The following IMMP2L variants were observed in gnomAD, a reference collection of about 807,000 sequenced individuals.
The protein encoded by IMMP2L is mitochondrial inner membrane protease subunit 2.
A neutral mutation model predicts 19.3 loss-of-function variants in IMMP2L; 18 were observed. That is an observed-to-expected ratio of 0.93 (90% CI 0.64 to 1.38). The LOEUF is 1.38. Ranked by LOEUF, IMMP2L falls within the 40% of genes most tolerant of loss-of-function variation. IMMP2L has a pLI of 0.00. For missense variants in IMMP2L, 233 were observed against 218.2 expected, an observed-to-expected ratio of 1.07 and a Z score of -0.43; for synonymous variants, 76 against 73.0, an observed-to-expected ratio of 1.04 and a Z score of -0.21.
intron 3 of IMMP2L, among the ~76,000 whole-genome samples, chr7:110,998,577 T>C (rs111803571): frequency 6.6e-4 from 100 of 152,288 alleles, no homozygotes; most frequent in Admixed American, 4.1e-3. Flanking sequence ...CTTTTGAATT[T>C]TGTATGGTTA....
intron 3 of IMMP2L, among the ~76,000 whole-genome samples, chr7:111,448,918 A>T (rs1482388617): frequency 1.4e-5 from 2 of 143,640 alleles, no homozygotes; most frequent in African/African-American, 5.3e-5. Context: ...CCATCAGAGA[A>T]TACTACAGAC....
chr7:111,294,253 T>C (rs1821400513), intron 3 of IMMP2L, among the ~76,000 whole-genome samples: 1 of 151,860 alleles, frequency 6.6e-6, no homozygotes, highest in Admixed American at 6.6e-5. Context: ...GAGAGATGTA[T>C]TATAAGGCAT....
At chr7:110,674,694 C>G (rs1792169288) in intron 5 of IMMP2L, among the ~76,000 whole-genome samples, 2 of 152,146 alleles carry the variant, frequency 1.3e-5, no homozygotes, top group Admixed American at 6.5e-5. Context: ...AAAATAAGTA[C>G]TGATTTCTCA....
At chr7:111,101,837 C>G (rs1385661871) in intron 3 of IMMP2L, among the ~76,000 whole-genome samples, 1 of 151,152 alleles carries the variant, frequency 6.6e-6, no homozygotes, top group Non-Finnish European at 1.5e-5. Context: ...TCTACTGCCC[C>G]CAATCTAAAA....
At chr7:111,065,131 T>C (rs1242050454) in intron 3 of IMMP2L, among the ~76,000 whole-genome samples, 5 of 152,240 alleles carry the variant, frequency 3.3e-5, no homozygotes, top group African/African-American at 1.2e-4. Flanking sequence ...GTAATTATCA[T>C]GAGTATTTCC....
intron 3 of IMMP2L, among the ~76,000 whole-genome samples, chr7:111,192,678 C>A (rs1000854478): frequency 2.0e-5 from 3 of 151,936 alleles, no homozygotes; most frequent in Admixed American, 2.0e-4. Flanking sequence ...CAGGAGAAAC[C>A]CAAACAAGAG....
At chr7:110,894,757 T>C (rs1006176689) in intron 4 of IMMP2L, among the ~76,000 whole-genome samples, 2 of 152,224 alleles carry the variant, frequency 1.3e-5, no homozygotes, top group African/African-American at 4.8e-5. Flanking sequence ...ATGTTTTTCA[T>C]AAGAAATTAT....
chr7:111,443,962 T>C (rs752909275), intron 3 of IMMP2L, among the ~76,000 whole-genome samples: 1 of 152,144 alleles, frequency 6.6e-6, no homozygotes, highest in Non-Finnish European at 1.5e-5. Context: ...ACAGGGTATA[T>C]AATTTCAAAA....
intron 5 of IMMP2L, among the ~76,000 whole-genome samples, chr7:110,793,105 T>G (rs1319611667): frequency 1.3e-5 from 2 of 151,972 alleles, no homozygotes; most frequent in African/African-American, 2.4e-5. Flanking sequence ...CTGGTCAAAA[T>G]GTATCCAGAA....
chr7:111,044,560 T>G (rs2129571529), intron 3 of IMMP2L, among the ~76,000 whole-genome samples: 1 of 152,188 alleles, frequency 6.6e-6, no homozygotes, highest in African/African-American at 2.4e-5. Context: ...AAACTCTGCC[T>G]CAAAAAAATA....
intron 3 of IMMP2L, among the ~76,000 whole-genome samples, chr7:111,376,416 A>T (rs534518371): frequency 6.6e-6 from 1 of 152,218 alleles, no homozygotes; most frequent in African/African-American, 2.4e-5. Flanking sequence ...GTGTTGATGA[A>T]GATACGGAGG....
intron 5 of IMMP2L, among the ~76,000 whole-genome samples, chr7:110,857,749 G>C (rs1172050379): frequency 6.6e-6 from 1 of 151,966 alleles, no homozygotes; most frequent in Non-Finnish European, 1.5e-5. Context: ...AACCTCTGTG[G>C]ATATTCATAC....
chr7:110,809,861 A>C (rs1801904037), intron 5 of IMMP2L, among the ~76,000 whole-genome samples: 1 of 152,068 alleles, frequency 6.6e-6, no homozygotes, highest in Admixed American at 6.6e-5. Flanking sequence ...TAATCTAAGA[A>C]TATAAAATAA....
chr7:111,171,098 C>A (rs924008121), intron 3 of IMMP2L, among the ~76,000 whole-genome samples: 7 of 151,506 alleles, frequency 4.6e-5, no homozygotes, highest in African/African-American at 1.7e-4. Context: ...GTATAAAAAT[C>A]CAAAATCTGT....
chr7:110,860,424 C>A (rs1807278517), intron 5 of IMMP2L, among the ~76,000 whole-genome samples: 1 of 151,954 alleles, frequency 6.6e-6, no homozygotes. Flanking sequence ...ATGGTAATAC[C>A]TTTTATTGAC....
At chr7:110,813,664 G>T (rs1237960044) in intron 5 of IMMP2L, among the ~76,000 whole-genome samples, 1 of 151,628 alleles carries the variant, frequency 6.6e-6, no homozygotes, top group African/African-American at 2.4e-5. Context: ...ATGGTGGAAG[G>T]ATGTTAACTG....
intron 5 of IMMP2L, among the ~76,000 whole-genome samples, chr7:110,868,187 G>A (rs1190759994): frequency 4.0e-5 from 6 of 149,212 alleles, no homozygotes; most frequent in East Asian, 2.0e-4. Flanking sequence ...CAAGCATGAC[G>A]TATTAGATGA....
At chr7:110,749,887 A>G (rs916217518) in intron 5 of IMMP2L, among the ~76,000 whole-genome samples, 9 of 152,148 alleles carry the variant, frequency 5.9e-5, no homozygotes, top group African/African-American at 2.2e-4. Context: ...TTCAGAACTT[A>G]AAGTATAATA....
intron 3 of IMMP2L, among the ~76,000 whole-genome samples, chr7:111,298,565 C>T (rs1821868391): frequency 6.6e-6 from 1 of 151,984 alleles, no homozygotes; most frequent in African/African-American, 2.4e-5. Context: ...GGCTGGCCAA[C>T]ATGGTGAAAC....
Sources: allele counts gnomAD v4.1 joint callset (sites outside exome capture counted in the v4.1 genomes callset), GRCh38; gene constraint gnomAD v4.1.1; transcripts MANE v1.5; gene names NCBI Gene and HGNC (gene_info 2026-07-23, HGNC 2026-07-21).